DACH1: variants seen among roughly 807,000 people sequenced by gnomAD.
DACH1 encodes the protein dachshund family transcription factor 1.
Under a neutral mutation model 54.2 loss-of-function variants are expected in DACH1, and 12 were observed. That is an observed-to-expected ratio of 0.22 (90% CI 0.14 to 0.36). The LOEUF is 0.36. Ranked by LOEUF, DACH1 falls within the 10% of genes least tolerant of loss-of-function variation. DACH1 has a pLI of 1.00. For synonymous variants in DACH1, 386 were observed against 366.2 expected (o/e 1.05, Z -0.62); for missense variants, 805 against 929.8 (o/e 0.87, Z 1.75).
chr13:71,650,630 G>C (rs1475229840), intron 2 of DACH1, among the ~76,000 whole-genome samples: 1 of 152,062 alleles, frequency 6.6e-6, no homozygotes, highest in East Asian at 1.9e-4. Context: ...GGTAATAGAA[G>C]ACCAAAACAA....
chr13:71,619,860 TATA>T (rs1876081176), intron 3 of DACH1, among the ~76,000 whole-genome samples: 1 of 151,900 alleles, frequency 6.6e-6, no homozygotes, highest in African/African-American at 2.4e-5. Flanking sequence ...TAGGAAATTG[TATA>T]ATATTTACAC....
At chr13:71,550,223 G>C (rs1255749482) in intron 6 of DACH1, among the ~76,000 whole-genome samples, 2 of 152,126 alleles carry the variant, frequency 1.3e-5, no homozygotes, top group African/African-American at 4.8e-5. Flanking sequence ...CTTGATAGTA[G>C]TAATGGTTTC....
intron 2 of DACH1, among the ~76,000 whole-genome samples, chr13:71,664,521 G>A (rs2138660696): frequency 6.6e-6 from 1 of 152,082 alleles, no homozygotes; most frequent in Middle Eastern, 3.4e-3. Context: ...AATTGTTATA[G>A]ATGCAATGCA....
intron 1 of DACH1, among the ~76,000 whole-genome samples, chr13:71,812,685 A>T (rs904235684): frequency 2.0e-5 from 3 of 152,164 alleles, no homozygotes; most frequent in African/African-American, 7.2e-5. Context: ...TGTACATGTT[A>T]TTATATGTTA....
intron 1 of DACH1, among the ~76,000 whole-genome samples, chr13:71,776,818 A>C (rs371679567): frequency 6.6e-6 from 1 of 152,084 alleles, no homozygotes; most frequent in South Asian, 2.1e-4. Flanking sequence ...TTTGTCACTC[A>C]CTGGTAATTT....
intron 10 of DACH1, among the ~76,000 whole-genome samples, chr13:71,467,426 C>G (rs1459434131): frequency 2.0e-5 from 3 of 149,654 alleles, no homozygotes; most frequent in Non-Finnish European, 4.4e-5. Flanking sequence ...GTGCAGCACA[C>G]CAGCATGGCC....
intron 3 of DACH1, among the ~76,000 whole-genome samples, chr13:71,610,521 G>C (rs1875244308): frequency 6.6e-6 from 1 of 152,082 alleles, no homozygotes; most frequent in Admixed American, 6.5e-5. Context: ...ATCTTAAAGA[G>C]AGAGCATCTG....
chr13:71,473,544 C>G (rs899584742), intron 10 of DACH1, among the ~76,000 whole-genome samples: 1 of 152,138 alleles, frequency 6.6e-6, no homozygotes, highest in African/African-American at 2.4e-5. Flanking sequence ...CAAATTCAAA[C>G]AAAAATAACC....
At chr13:71,647,967 A>C (rs553832971) in intron 2 of DACH1, among the ~76,000 whole-genome samples, 1 of 152,338 alleles carries the variant, frequency 6.6e-6, no homozygotes, top group Admixed American at 6.5e-5. Context: ...CTCATAATGA[A>C]AGTCTTGGTC....
chr13:71,446,598 A>G (rs1474248110), intron 10 of DACH1, among the ~76,000 whole-genome samples: 2 of 152,220 alleles, frequency 1.3e-5, no homozygotes, highest in Non-Finnish European at 2.9e-5. Flanking sequence ...ATTTCTGTGA[A>G]TTCAAATTTC....
At position 71,816,075 on chromosome 13, in the gene DACH1, A is replaced by C. The variant is rs556681436; in HGVS notation, c.848+49847T>G. Among the ~76,000 whole-genome samples, 103 of 151,584 alleles carry C rather than the reference A, an allele frequency of 6.8e-4. 1 individual carries two copies. The highest frequency in any genetic ancestry group is 1.2e-3 in the Non-Finnish European group (83 of 67,984). ...ACTCCAGCCTGGGCGACAGAGCGAG[A>C]CTCCGTCTCCAAAAAAAAATAAAAT... is the stretch of plus-strand genomic sequence containing the variant. On this transcript the variant is annotated intron_variant, in intron 1 of 10. Transcript: ENST00000613252.
chr13:71,459,511 T>A (rs2138135704), intron 10 of DACH1, among the ~76,000 whole-genome samples: 1 of 152,056 alleles, frequency 6.6e-6, no homozygotes, highest in South Asian at 2.1e-4. Context: ...CAGAACTTTT[T>A]TTATGGGATG....
intron 6 of DACH1, among the ~76,000 whole-genome samples, chr13:71,500,952 C>T (rs1326485543): frequency 6.6e-6 from 1 of 151,604 alleles, no homozygotes; most frequent in Non-Finnish European, 1.5e-5. Flanking sequence ...ACCCCTTTAT[C>T]TTAACTTAAG....
At chr13:71,507,077 G>A (rs563717567) in intron 6 of DACH1, among the ~76,000 whole-genome samples, 66 of 151,668 alleles carry the variant, frequency 4.4e-4, no homozygotes, top group African/African-American at 1.5e-3. Context: ...AAACTAAAGA[G>A]CTTCTGCACA....
At chr13:71,505,201 G>C (rs1388581130) in intron 6 of DACH1, among the ~76,000 whole-genome samples, 1 of 151,986 alleles carries the variant, frequency 6.6e-6, no homozygotes, top group African/African-American at 2.4e-5. Flanking sequence ...CTCAGCCTCA[G>C]TGTCCCAAGT....
chr13:71,824,500 C>G (rs1888308279), intron 1 of DACH1, among the ~76,000 whole-genome samples: 1 of 151,688 alleles, frequency 6.6e-6, no homozygotes. Context: ...TAATAATCAC[C>G]CAGCACATGG....
chr13:71,572,806 A>G lies in DACH1; in HGVS notation c.1299+34T>C, dbSNP rs757959669. On this transcript the variant is annotated intron_variant, in intron 4 of 10. Transcript: ENST00000613252. ...ATTAAGGGATGGTGGCTTAAGATGA[A>G]CATGCCAAAATAATTGTATAAAAAA... 3.8e-6 allele frequency: 6 copies of G among 1,590,384 alleles called. No homozygotes were observed. The Admixed American group carries it at 6.9e-5, about 18-fold the overall frequency.
intron 6 of DACH1, among the ~76,000 whole-genome samples, chr13:71,551,909 A>G (rs1423473402): frequency 6.6e-6 from 1 of 151,972 alleles, no homozygotes; most frequent in Non-Finnish European, 1.5e-5. Context: ...GATGTTAAGC[A>G]TTGGAGATGT....
chr13:71,597,236 G>T (rs760082629), intron 3 of DACH1, among the ~76,000 whole-genome samples: 1 of 152,136 alleles, frequency 6.6e-6, no homozygotes, highest in Non-Finnish European at 1.5e-5. Context: ...TATAAGAGTA[G>T]ATTTTAAGTG....
Sources: allele counts gnomAD v4.1 joint callset (sites outside exome capture counted in the v4.1 genomes callset), GRCh38; gene constraint gnomAD v4.1.1; transcripts MANE v1.5; gene names NCBI Gene and HGNC (gene_info 2026-07-23, HGNC 2026-07-21).